The following CLASP1 variants were observed in gnomAD, a reference collection of about 807,000 sequenced individuals.
The protein encoded by CLASP1 is CLIP-associating protein 1.
Under a neutral mutation model 192.3 loss-of-function variants are expected in CLASP1, and 38 were observed. The observed-to-expected ratio is 0.20, with a 90% CI of 0.15 to 0.26. CLASP1 has a LOEUF of 0.26. Among genes scored for constraint, CLASP1 ranks in the 10% least tolerant of loss-of-function variants. The pLI is 1.00. For synonymous variants in CLASP1, 691 were observed against 712.8 expected (o/e 0.97, Z 0.49); for missense variants, 1,433 against 1,932.5 (o/e 0.74, Z 4.85).
chr2:121,471,149 C>T (rs533733010), intron 8 of CLASP1, among the ~76,000 whole-genome samples: 3 of 152,242 alleles, frequency 2.0e-5, no homozygotes, highest in East Asian at 1.9e-4. Context: ...GATATGGCGG[C>T]GTGTGCCTGT....
chr2:121,384,050 A>G (rs2072508557), intron 32 of CLASP1, among the ~76,000 whole-genome samples: 1 of 138,830 alleles, frequency 7.2e-6, no homozygotes, highest in Admixed American at 7.1e-5. Flanking sequence ...GTATATATAC[A>G]CACATATATG....
intron 1 of CLASP1, among the ~76,000 whole-genome samples, chr2:121,621,473 T>C (rs1183727690): frequency 6.6e-6 from 1 of 152,184 alleles, no homozygotes; most frequent in African/African-American, 2.4e-5. Context: ...AGGTCTATGA[T>C]GAATTCTGAA....
At chr2:121,628,557 C>T (rs1217192996) in intron 1 of CLASP1, among the ~76,000 whole-genome samples, 2 of 151,570 alleles carry the variant, frequency 1.3e-5, no homozygotes, top group East Asian at 3.9e-4. Context: ...ACGCCTGTAA[C>T]CCCAGCTACT....
intron 6 of CLASP1, among the ~76,000 whole-genome samples, chr2:121,516,012 G>T (rs956405810): frequency 6.6e-6 from 1 of 152,072 alleles, no homozygotes; most frequent in Non-Finnish European, 1.5e-5. Context: ...CATATCCTTA[G>T]TTCTTTCCGT....
intron 22 of CLASP1, among the ~76,000 whole-genome samples, chr2:121,422,178 T>C (rs568236431): frequency 5.3e-5 from 8 of 152,258 alleles, no homozygotes; most frequent in African/African-American, 1.9e-4. Flanking sequence ...GACTTTTACA[T>C]CTTAAGGAAG....
chr2:121,395,052 T>C (rs1401557128), intron 30 of CLASP1, among the ~76,000 whole-genome samples: 1 of 152,008 alleles, frequency 6.6e-6, no homozygotes, highest in Admixed American at 6.6e-5. Flanking sequence ...TGGCTGCCCG[T>C]TGACAATGAG....
rs1574572572 is a variant in CLASP1 at position 121,419,233 on chromosome 2, C to T, written c.2213-504G>A. ...ACCTAATGATAAGGAAGAGGGCTCA[C>T]TGCTCCCAGGCTGGCCATCTTCACC... On this transcript the variant is annotated intron_variant, in intron 22 of 39. Coordinates refer to ENST00000263710, the Ensembl canonical transcript of CLASP1. Among the ~76,000 whole-genome samples the T allele has an allele frequency of 2.0e-5, 3 of 152,204 alleles. No homozygotes were observed. In the South Asian group the frequency reaches 6.2e-4, roughly 31 times the overall value.
At chr2:121,531,107 T>G in intron 2 of CLASP1, 1 of 642,350 alleles carries the variant, frequency 1.6e-6, no homozygotes, top group Non-Finnish European at 2.9e-6. Context: ...ACAAGACGCG[T>G]GGTTTTAGTG....
chr2:121,592,139 C>T (rs1434765098), intron 2 of CLASP1, among the ~76,000 whole-genome samples: 1 of 152,228 alleles, frequency 6.6e-6, no homozygotes, highest in Admixed American at 6.5e-5. Flanking sequence ...CTGTCTATAG[C>T]TGAATAACCT....
rs1419734084 is a variant in CLASP1 at position 121,649,364 on chromosome 2, G to A, written c.-286+8C>T. 1.3e-5 allele frequency: 2 copies of A among 151,882 alleles called. No individual in the cohort carries two copies. The highest frequency in any genetic ancestry group is 4.9e-5 in the African/African-American group (2 of 41,196). 9.4% of individuals were successfully genotyped at this position (151,882 alleles called of 1,614,324 possible). A position where few individuals can be genotyped will look rare whatever the true frequency, so the allele number is the denominator to read the frequency against. ...GTCTGACCCTCCGCCCCCTGACCGGGTACTTACAGCCCTGTTTTTCGTTAC... is the reference window on the plus strand; with the variant it reads ...GTCTGACCCTCCGCCCCCTGACCGGATACTTACAGCCCTGTTTTTCGTTAC... On this transcript the variant is annotated splice_region_variant and intron_variant, in intron 1 of 39. Coordinates refer to ENST00000263710, the Ensembl canonical transcript of CLASP1.
intron 2 of CLASP1, among the ~76,000 whole-genome samples, chr2:121,548,754 T>C (rs1360538061): frequency 1.3e-5 from 2 of 151,756 alleles, no homozygotes; most frequent in Non-Finnish European, 2.9e-5. Context: ...TGGGGACCTA[T>C]ATTCAACATT....
At chr2:121,412,878 T>C (rs942988906) in intron 23 of CLASP1, among the ~76,000 whole-genome samples, 1 of 152,214 alleles carries the variant, frequency 6.6e-6, no homozygotes, top group African/African-American at 2.4e-5. Flanking sequence ...TCTGATACTA[T>C]TATGAAGTCT....
chr2:121,631,106 C>T (rs1424060496), intron 1 of CLASP1, among the ~76,000 whole-genome samples: 1 of 133,076 alleles, frequency 7.5e-6, no homozygotes, highest in Non-Finnish European at 1.5e-5. Context: ...TTGCAGTGAG[C>T]CGAGATTGCG....
rs557633674 is a variant in CLASP1, at chr2:121,406,248, C to T, written c.2669+1223G>A. ...ACATACTTTTTTGGTATGTGTAATACACGCTTATTTTAGAAAATTTATAAA... is the reference window on the plus strand; with the variant it reads ...ACATACTTTTTTGGTATGTGTAATATACGCTTATTTTAGAAAATTTATAAA... On this transcript the variant is annotated intron_variant, in intron 25 of 39. Coordinates refer to ENST00000263710, the Ensembl canonical transcript of CLASP1. Among the ~76,000 whole-genome samples the T allele has an allele frequency of 3.9e-5, 6 of 152,254 alleles. No individual in the cohort carries two copies. In the South Asian group the frequency reaches 1.2e-3, roughly 32 times the overall value.
intron 1 of CLASP1, among the ~76,000 whole-genome samples, chr2:121,644,161 G>A (rs1484755667): frequency 6.6e-6 from 1 of 152,054 alleles, no homozygotes; most frequent in Non-Finnish European, 1.5e-5. Flanking sequence ...TCATTTTACA[G>A]ATGAAGACAC....
At chr2:121,478,761 A>ACCACACACC (rs2092078887) in intron 8 of CLASP1, among the ~76,000 whole-genome samples, 12 of 31,318 alleles carry the variant, frequency 3.8e-4, no homozygotes, top group South Asian at 9.1e-4. Flanking sequence ...CCACACACAC[A>ACCACACACC]CCACACACCC....
chr2:121,510,393 T>A (rs1236916715), intron 7 of CLASP1, among the ~76,000 whole-genome samples: 2 of 152,132 alleles, frequency 1.3e-5, no homozygotes, highest in African/African-American at 4.8e-5. Flanking sequence ...TAAAAAGGAT[T>A]ACAGGGGAAT....
rs113188476 is a variant in CLASP1, at chr2:121,566,220, G to A, written c.196-35895C>T. Among the ~76,000 whole-genome samples the A allele has an allele frequency of 7.1e-3, 1,088 of 152,296 alleles. 14 individuals are homozygous for A. The highest frequency in any genetic ancestry group is 0.039 in the Admixed American group (595 of 15,306). ...TGGGTGCAAAAAGAGAAATGGGGAC[G>A]AAAGCAGTGGGACCACAGGCCAGAC... On this transcript the variant is annotated intron_variant, in intron 2 of 39. Coordinates refer to ENST00000263710, the Ensembl canonical transcript of CLASP1.
chr2:121,452,782 C>A (rs1370496395), intron 14 of CLASP1, among the ~76,000 whole-genome samples: 1 of 152,192 alleles, frequency 6.6e-6, no homozygotes, highest in Non-Finnish European at 1.5e-5. Flanking sequence ...CAGAGCGAGA[C>A]TCTGTCAAAT....
Sources: allele counts gnomAD v4.1 joint callset (sites outside exome capture counted in the v4.1 genomes callset), GRCh38; gene constraint gnomAD v4.1.1; transcripts MANE v1.5; gene names NCBI Gene and HGNC (gene_info 2026-07-23, HGNC 2026-07-21).